HS6ST1: variants seen among roughly 807,000 people sequenced by gnomAD.
HS6ST1 encodes the protein heparan-sulfate 6-O-sulfotransferase 1.
In HS6ST1, 3 loss-of-function variants were observed where a neutral mutation model predicts 25.2. That is an observed-to-expected ratio of 0.12 (90% CI 0.05 to 0.31). HS6ST1 has a LOEUF of 0.31. HS6ST1 is among the 10% of genes least tolerant of loss of function. HS6ST1 has a pLI of 1.00. For synonymous variants in HS6ST1, 204 were observed against 275.1 expected (o/e 0.74, Z 2.56); for missense variants, 310 against 609.6 (o/e 0.51, Z 5.18).
At chr2:128,283,118 C>G (rs1693811086) in intron 1 of HS6ST1, among the ~76,000 whole-genome samples, 1 of 152,220 alleles carries the variant, frequency 6.6e-6, no homozygotes, top group Admixed American at 6.5e-5. Context: ...CTGGGCAGGC[C>G]ACCCCTGCGA....
intron 1 of HS6ST1, among the ~76,000 whole-genome samples, chr2:128,270,555 A>T (rs1172184656): frequency 6.6e-6 from 1 of 152,070 alleles, no homozygotes; most frequent in Non-Finnish European, 1.5e-5. Flanking sequence ...AACAATAATG[A>T]CCAAGGGCCA....
At chr2:128,279,618 T>C (rs923933059) in intron 1 of HS6ST1, among the ~76,000 whole-genome samples, 1 of 152,066 alleles carries the variant, frequency 6.6e-6, no homozygotes, top group African/African-American at 2.4e-5. Context: ...TCTCAGTGAT[T>C]AGTTTTAAAA....
chr2:128,306,670 AG>A (rs1694216890), intron 1 of HS6ST1, among the ~76,000 whole-genome samples: 5 of 151,544 alleles, frequency 3.3e-5, no homozygotes, highest in Admixed American at 3.3e-4. Context: ...GCATGGCAGC[AG>A]GGGTACTGCA....
intron 1 of HS6ST1, among the ~76,000 whole-genome samples, chr2:128,296,723 C>T (rs1444673201): frequency 6.6e-6 from 1 of 152,104 alleles, no homozygotes; most frequent in Non-Finnish European, 1.5e-5. Flanking sequence ...AAGACAACCC[C>T]AGTAAATGGA....
At chr2:128,295,638 T>C (rs1368229322) in intron 1 of HS6ST1, among the ~76,000 whole-genome samples, 25 of 152,198 alleles carry the variant, frequency 1.6e-4, no homozygotes, top group Non-Finnish European at 1.5e-5. Context: ...ACTTGCAAAT[T>C]GAATTGAACA....
intron 1 of HS6ST1, among the ~76,000 whole-genome samples, chr2:128,317,835 G>A (rs1175932541): frequency 6.6e-6 from 1 of 152,246 alleles, no homozygotes; most frequent in East Asian, 1.9e-4. Context: ...AGCGAGGTCA[G>A]AAAGCGCGGT....
rs58984606 is a variant in HS6ST1 at position 128,287,280 on chromosome 2, G to A, written c.528-18410C>T. On this transcript the variant is annotated intron_variant, in intron 1 of 1. Coordinates refer to ENST00000259241, the MANE Select transcript of HS6ST1 (RefSeq NM_004807.3). ...GAGCACCTCAGTGGATATATCCAGGGCCCAGGGCACTCCCCCAGAGAAGGT... is the reference window on the plus strand; with the variant it reads ...GAGCACCTCAGTGGATATATCCAGGACCCAGGGCACTCCCCCAGAGAAGGT... Among the ~76,000 whole-genome samples the A allele has an allele frequency of 8.5e-3, 1,289 of 152,282 alleles. 5 individuals carry two copies. The highest frequency in any genetic ancestry group is 0.032 in the East Asian group (167 of 5,174).
intron 1 of HS6ST1, among the ~76,000 whole-genome samples, chr2:128,314,484 T>G (rs1383359364): frequency 1.3e-5 from 2 of 152,042 alleles, no homozygotes; most frequent in Non-Finnish European, 2.9e-5. Flanking sequence ...CCAGGGAAGA[T>G]TTCCTGGAGG....
chr2:128,269,654 C>G (rs1272902109), intron 1 of HS6ST1, among the ~76,000 whole-genome samples: 1 of 152,158 alleles, frequency 6.6e-6, no homozygotes, highest in Non-Finnish European at 1.5e-5. Flanking sequence ...GTGGGCTCAG[C>G]CCCGGGAGAG....
At chr2:128,284,055 C>G (rs1388508980) in intron 1 of HS6ST1, among the ~76,000 whole-genome samples, 1 of 152,204 alleles carries the variant, frequency 6.6e-6, no homozygotes, top group Non-Finnish European at 1.5e-5. Flanking sequence ...ACCCACGGGG[C>G]AGCCCCCCAC....
At chr2:128,312,093 T>C (rs1322191085) in intron 1 of HS6ST1, among the ~76,000 whole-genome samples, 1 of 152,236 alleles carries the variant, frequency 6.6e-6, no homozygotes, top group African/African-American at 2.4e-5. Flanking sequence ...CATGTGAAAC[T>C]GCCCATGTCT....
chr2:128,290,102 C>T (rs1693929933), intron 1 of HS6ST1: 1 of 151,590 alleles, frequency 6.6e-6, no homozygotes, highest in African/African-American at 2.4e-5. Context: ...TGAGAGCACC[C>T]ACTCACAAGC....
At chr2:128,305,286 G>A (rs1694191615) in intron 1 of HS6ST1, among the ~76,000 whole-genome samples, 1 of 152,250 alleles carries the variant, frequency 6.6e-6, no homozygotes, top group Admixed American at 6.5e-5. Context: ...GGAAAGCAGA[G>A]TAACAAACCC....
chr2:128,318,045 G>A lies in HS6ST1; in HGVS notation c.519C>T (p.Arg173=). 1.3e-6 allele frequency: 2 copies of A among 1,513,816 alleles called. No individual in the cohort carries two copies. The highest frequency in any genetic ancestry group is 1.8e-6 in the Non-Finnish European group (2 of 1,136,952). The allele number at this position is 1,513,816 out of a possible 1,614,324, so 93.8% of individuals were successfully genotyped here. ...VLDRRDSAAL[R]TPRKFYYITL... Reference sequence around the variant, plus strand: ...GCCGCCCGGGCGCTCACCTGGGCGTGCGCAGCGCGGCGGAGTCGCGGCGGT... The same window carrying A: ...GCCGCCCGGGCGCTCACCTGGGCGTACGCAGCGCGGCGGAGTCGCGGCGGT... The change falls in exon 1 of 2, where the codon CGC becomes CGT. Residue 173 remains arginine, a synonymous_variant. Coordinates refer to ENST00000259241, the MANE Select transcript of HS6ST1 (RefSeq NM_004807.3). The surrounding 1 kb of genome is among the most constrained non-coding windows in gnomAD (Gnocchi z 5.7).
Position 128,267,069 on chromosome 2 carries a change from CCATA to C in HS6ST1, c.*1089_*1092del, listed in dbSNP as rs1478178730. The C allele has an allele frequency of 3.9e-5, 6 of 152,256 alleles. No homozygotes were observed. Among genetic ancestry groups the C allele is most frequent in the African/African-American group, 1.4e-4 (6 of 41,448 alleles). The allele number at this position is 152,256 out of a possible 1,614,324, so 9.4% of individuals were successfully genotyped here. On this transcript the variant is annotated 3_prime_UTR_variant, in exon 2 of 2. Coordinates refer to ENST00000259241, the MANE Select transcript of HS6ST1 (RefSeq NM_004807.3). ...TGAAAGCTCGAGTCCCAGTTCCTGG[CCATA>C]CAGAGCCACTGTGGTCCGAGGGTAC...
intron 1 of HS6ST1, among the ~76,000 whole-genome samples, chr2:128,314,779 G>A (rs1694336759): frequency 6.6e-6 from 1 of 152,216 alleles, no homozygotes. Context: ...AGCTGGTCCC[G>A]GGTTCCCGGC....
At chr2:128,313,912 C>T (rs1013193607) in intron 1 of HS6ST1, among the ~76,000 whole-genome samples, 3 of 148,940 alleles carry the variant, frequency 2.0e-5, no homozygotes, top group South Asian at 2.1e-4. Flanking sequence ...CCCAACCATT[C>T]GTAAGTTTGC....
At chr2:128,296,314 C>T (rs952163322) in intron 1 of HS6ST1, among the ~76,000 whole-genome samples, 11 of 152,256 alleles carry the variant, frequency 7.2e-5, no homozygotes, top group Admixed American at 3.9e-4. Context: ...GCAAAGATGT[C>T]TACTTTTGCC....
At chr2:128,280,456 T>G (rs890437861) in intron 1 of HS6ST1, among the ~76,000 whole-genome samples, 1 of 152,198 alleles carries the variant, frequency 6.6e-6, no homozygotes, top group Non-Finnish European at 1.5e-5. Context: ...TGTGAGCCAC[T>G]GCCTGAGAGG....
Sources: allele counts gnomAD v4.1 joint callset (sites outside exome capture counted in the v4.1 genomes callset), GRCh38; gene constraint gnomAD v4.1.1; non-coding constraint Gnocchi (gnomAD v3.1); transcripts MANE v1.5; gene names NCBI Gene and HGNC (gene_info 2026-07-23, HGNC 2026-07-21).